Variants in TCFL5 observed in about 807,000 individuals in gnomAD.
TCFL5 encodes transcription factor-like 5 protein.
In TCFL5, 9 loss-of-function variants were observed where a neutral mutation model predicts 44.3. That is an observed-to-expected ratio of 0.20 (90% CI 0.12 to 0.35). The LOEUF (loss-of-function observed/expected upper bound fraction) is 0.35. TCFL5 is among the 10% of genes least tolerant of loss of function. The probability of loss-of-function intolerance (pLI) is 1.00; values close to 1 mark genes in which losing one functional copy is unlikely to be tolerated. For synonymous variants in TCFL5, 319 were observed against 271.6 expected (o/e 1.17, Z -1.72); for missense variants, 603 against 613.4 (o/e 0.98, Z 0.18).
chr20:62,859,139 G>A (rs925595191), intron 3 of TCFL5, among the ~76,000 whole-genome samples: 3 of 152,098 alleles, frequency 2.0e-5, no homozygotes, highest in Non-Finnish European at 2.9e-5. Context: ...GCCCTCAAAC[G>A]CAACGTTCTC....
At chr20:62,855,942 G>A (rs1568789235) in intron 4 of TCFL5, among the ~76,000 whole-genome samples, 9 of 151,748 alleles carry the variant, frequency 5.9e-5, no homozygotes. Flanking sequence ...ATAGATTAGG[G>A]AAATATTCTA....
rs2063688366 is a variant in TCFL5, at chr20:62,842,307, CTGTACA to C, written c.1381-216_1381-211del. ...TTTTTTTTTTCAAATAGCAGTTACA[CTGTACA>C]TGTACTTTTGTTTTTCCAATACTCA... On this transcript the variant is annotated intron_variant, in intron 5 of 5. Coordinates refer to ENST00000335351, the MANE Select transcript of TCFL5 (RefSeq NM_006602.4). The surrounding 1 kb of genome is among the most constrained non-coding windows in gnomAD (Gnocchi z 4.3). 1.3e-5 allele frequency among the ~76,000 whole-genome samples: 2 copies of C among 151,960 alleles called. No individual in the cohort carries two copies. The highest frequency in any genetic ancestry group is 2.9e-5 in the Non-Finnish European group (2 of 68,018).
chr20:62,852,115 T>TG (rs2063817879), intron 5 of TCFL5: 2 of 985,330 alleles, frequency 2.0e-6, no homozygotes, highest in South Asian at 9.4e-5. Context: ...TGGGAGCCCT[T>TG]CTTGGAAGAG....
intron 3 of TCFL5, 56 bp downstream of exon 3, chr20:62,859,308 C>T: frequency 1.3e-6 from 2 of 1,560,214 alleles, no homozygotes; most frequent in South Asian, 1.2e-5. Flanking sequence ...AAAATGCCAT[C>T]AGCCACAGGG....
At chr20:62,859,792 CCCA>C (rs138903583) in intron 2 of TCFL5, among the ~76,000 whole-genome samples, 7,781 of 151,620 alleles carry the variant, frequency 0.051, 379 homozygotes, top group East Asian at 0.21. Context: ...GCGATGTCAG[CCCA>C]CCACAACCTC....
Position 62,842,185 on chromosome 20 carries a change from CTAAGTAAATGACT to C in TCFL5, c.1381-101_1381-89del. On this transcript the variant is annotated intron_variant, in intron 5 of 5. Transcript: ENST00000335351. This position sits in a 1 kb window ranked among gnomAD's most constrained non-coding sequence, Gnocchi z 4.3. ...AAGTGCAAAAGGTTCAAATTAAGAG[CTAAGTAAATGACT>C]TTAGAATACGCTGTTTTAAGGTGTC... 1 of 1,544,566 alleles carries C rather than the reference CTAAGTAAATGACT, an allele frequency of 6.5e-7. No homozygotes were observed. Among genetic ancestry groups the C allele is most frequent in the Non-Finnish European group, 8.8e-7 (1 of 1,133,984 alleles).
In TCFL5 at chr20:62,861,406, C is replaced by G. The variant is rs760888399; in HGVS notation, c.265G>C (p.Ala89Pro). The G allele has an allele frequency of 2.7e-6, 3 of 1,099,226 alleles. No individual in the cohort carries two copies. Among genetic ancestry groups the G allele is most frequent in the African/African-American group, 3.4e-5 (2 of 59,606 alleles). 68.1% of individuals were successfully genotyped at this position (1,099,226 alleles called of 1,614,324 possible). Reference sequence around the variant, plus strand: ...CCCGCCGCGAAGCCGCCCGCGCCTGCGCCCGGGCCCGCCGCCGCCAGCAGC... The same window carrying G: ...CCCGCCGCGAAGCCGCCCGCGCCTGGGCCCGGGCCCGCCGCCGCCAGCAGC... ...SALLAAAGPG[A>P]GAGGFAAGGQ... Residue 89 changes from alanine (A) to proline (P), a missense_variant, in exon 1 of 6, where the codon GCA becomes CCA. Ala to Pro is a conservative substitution (Grantham distance 27). This residue lies in a region of TCFL5 where 540 missense variants were observed against 478.7 expected (regional missense o/e 1.13). Coordinates refer to ENST00000335351, the MANE Select transcript of TCFL5 (RefSeq NM_006602.4). The surrounding 1 kb of genome is among the most constrained non-coding windows in gnomAD (Gnocchi z 4.0).
In TCFL5 at chr20:62,852,890, T is replaced by A. The variant is rs1413196035; in HGVS notation, c.1380+1126A>T. 6 of 1,286,162 alleles carry A rather than the reference T, an allele frequency of 4.7e-6. No individual in the cohort carries two copies. The East Asian group carries it at 2.3e-4, about 48-fold the overall frequency. The allele number at this position is 1,286,162 out of a possible 1,614,324, so 79.7% of individuals were successfully genotyped here. ...TCCATGGAAGTATAGTCACCCAGTCTGCAGAAGTACATTCACCCAGTCAGC... is the reference window on the plus strand; with the variant it reads ...TCCATGGAAGTATAGTCACCCAGTCAGCAGAAGTACATTCACCCAGTCAGC... On this transcript the variant is annotated intron_variant, in intron 5 of 5. Transcript: ENST00000335351.
At chr20:62,850,273 T>C (rs778045282) in intron 5 of TCFL5, among the ~76,000 whole-genome samples, 3 of 152,104 alleles carry the variant, frequency 2.0e-5, no homozygotes, top group Non-Finnish European at 4.4e-5. Context: ...AATTCCTATG[T>C]TCACTAGAAA....
intron 3 of TCFL5, among the ~76,000 whole-genome samples, chr20:62,858,362 G>GA (rs150441850): frequency 0.023 from 3,535 of 152,366 alleles, 142 homozygotes; most frequent in African/African-American, 0.079. Flanking sequence ...TTCAGCAGGA[G>GA]AGAGAGGAAT....
rs11448528 is a variant in TCFL5, at chr20:62,846,766, GA to G, written c.1381-4670del. Among the ~76,000 whole-genome samples, 901 of 128,950 alleles carry G rather than the reference GA, an allele frequency of 7.0e-3. 25 individuals carry two copies. Among genetic ancestry groups the G allele is most frequent in the Admixed American group, 0.043 (530 of 12,398 alleles). The allele number at this position is 128,950 out of a possible 152,430, so 84.6% of individuals were successfully genotyped here. A position where few individuals can be genotyped will look rare whatever the true frequency, so the allele number is the denominator to read the frequency against. ...TGACAGAATGAGGGCCCCTCGCTGG[GA>G]AAAAAAAAAAAAGAGAGAAAGAAAA... On this transcript the variant is annotated intron_variant, in intron 5 of 5. Transcript: ENST00000335351.
chr20:62,842,152 G>A lies in TCFL5; in HGVS notation c.1381-55C>T. On this transcript the variant is annotated intron_variant, in intron 5 of 5. Transcript: ENST00000335351. The surrounding 1 kb of genome is among the most constrained non-coding windows in gnomAD (Gnocchi z 4.3). ...TGAATTAACTGACATGAAAACTGCTGTCTTCCAAAGTGCAAAAGGTTCAAA... is the reference window on the plus strand; with the variant it reads ...TGAATTAACTGACATGAAAACTGCTATCTTCCAAAGTGCAAAAGGTTCAAA... 1 of 1,606,710 alleles carries A rather than the reference G, an allele frequency of 6.2e-7. No homozygotes were observed. Among genetic ancestry groups the A allele is most frequent in the Non-Finnish European group, 8.5e-7 (1 of 1,175,576 alleles).
chr20:62,851,618 C>T (rs774294456), intron 5 of TCFL5: 12 of 984,794 alleles, frequency 1.2e-5, no homozygotes, highest in South Asian at 4.7e-5. Context: ...AACATAGCAT[C>T]GCTATAGAAT....
intron 2 of TCFL5, among the ~76,000 whole-genome samples, chr20:62,859,834 C>A (rs2063962163): frequency 6.6e-6 from 1 of 152,080 alleles, no homozygotes; most frequent in Admixed American, 6.5e-5. Context: ...GATTCTCCCG[C>A]CTCAGCCTCC....
chr20:62,856,649 T>C (rs893414969), intron 4 of TCFL5, among the ~76,000 whole-genome samples: 15 of 134,708 alleles, frequency 1.1e-4, no homozygotes, highest in East Asian at 4.4e-4. Flanking sequence ...GAGCTTCCAG[T>C]GAGCAGAGAT....
At chr20:62,845,694 G>A (rs570042520) in intron 5 of TCFL5, 40 of 1,606,590 alleles carry the variant, frequency 2.5e-5, no homozygotes, top group African/African-American at 1.7e-4. Context: ...GGTGGAAATC[G>A]AGGACTTCCA....
chr20:62,861,743 C>T lies in TCFL5; in HGVS notation c.-73G>A, dbSNP rs964946990. 2.1e-5 allele frequency: 3 copies of T among 145,736 alleles called. No homozygotes were observed. Among genetic ancestry groups the T allele is most frequent in the African/African-American group, 7.4e-5 (3 of 40,348 alleles). 9.0% of individuals were successfully genotyped at this position (145,736 alleles called of 1,614,324 possible). A position where few individuals can be genotyped will look rare whatever the true frequency, so the allele number is the denominator to read the frequency against. On this transcript the variant is annotated 5_prime_UTR_variant, in exon 1 of 6. Transcript: ENST00000335351. The surrounding 1 kb of genome is among the most constrained non-coding windows in gnomAD (Gnocchi z 4.0). ...GCGGCGGGAGGCGGGAGGCGGGAGG[C>T]GGGAGGCGACCCCCGGCCCGAGCAC...
At chr20:62,856,602 A>G (rs1211720343) in intron 4 of TCFL5, among the ~76,000 whole-genome samples, 8 of 149,786 alleles carry the variant, frequency 5.3e-5, no homozygotes, top group Non-Finnish European at 4.4e-5. Flanking sequence ...GCTACTCAGG[A>G]GGCTGAGGCA....
chr20:62,847,174 T>A lies in TCFL5; in HGVS notation c.1381-5077A>T, dbSNP rs566605064. On this transcript the variant is annotated intron_variant, in intron 5 of 5. Coordinates refer to ENST00000335351, the MANE Select transcript of TCFL5 (RefSeq NM_006602.4). ...CGGCAGCCTGGGCAACGAGTGAAACTTCATCTCAAAAAAAAAAAAAAAAAA... is the reference window on the plus strand; with the variant it reads ...CGGCAGCCTGGGCAACGAGTGAAACATCATCTCAAAAAAAAAAAAAAAAAA... Among the ~76,000 whole-genome samples, 167 of 141,002 alleles carry A rather than the reference T, an allele frequency of 1.2e-3. 6 individuals are homozygous for A. The South Asian group carries it at 0.036, about 31-fold the overall frequency. 92.5% of individuals were successfully genotyped at this position (141,002 alleles called of 152,430 possible).
Sources: allele counts gnomAD v4.1 joint callset (sites outside exome capture counted in the v4.1 genomes callset), GRCh38; gene constraint gnomAD v4.1.1; regional missense constraint gnomAD v4.1.1; non-coding constraint Gnocchi (gnomAD v3.1); transcripts MANE v1.5; gene names NCBI Gene and HGNC (gene_info 2026-07-23, HGNC 2026-07-21).